Variants in RNF217 observed in about 807,000 individuals in gnomAD.
The protein encoded by RNF217 is ring finger protein 217, also known as E3 ubiquitin-protein ligase RNF217.
RNF217 carries 31 observed loss-of-function variants against 57.8 expected under a neutral mutation model. The ratio of observed to expected loss-of-function variants is 0.54; its 90% CI spans 0.40 to 0.72. RNF217 has a LOEUF of 0.72. RNF217 is among the 30% of genes least tolerant of loss of function. The pLI is 0.00. For missense variants in RNF217, 696 were observed against 708.3 expected (o/e 0.98, Z 0.20); for synonymous variants, 313 against 294.0 (o/e 1.06, Z -0.66).
rs1788619254 is a variant in RNF217, at chr6:125,082,715, A to C, written c.1556-149A>C. On this transcript the variant is annotated intron_variant, in intron 5 of 5. Coordinates refer to ENST00000521654, the MANE Select transcript of RNF217 (RefSeq NM_001286398.3). ...AGCTAAAGGGAAATATTAAAGAATG[A>C]AATATTGAAGAAGTAAATACATTTC... The C allele has an allele frequency of 1.8e-5, 22 of 1,253,954 alleles. 1 individual carries two copies. The South Asian group carries it at 2.9e-4, about 17-fold the overall frequency. 77.7% of individuals were successfully genotyped at this position (1,253,954 alleles called of 1,614,324 possible).
At chr6:124,989,215 G>T (rs555954341) in intron 1 of RNF217, among the ~76,000 whole-genome samples, 1 of 151,978 alleles carries the variant, frequency 6.6e-6, no homozygotes, top group South Asian at 2.1e-4. Flanking sequence ...TTTGATGAGC[G>T]CTTATGCTAG....
chr6:125,051,441 AC>A lies in RNF217; in HGVS notation c.1116+5999del, dbSNP rs550315381. Among the ~76,000 whole-genome samples the A allele has an allele frequency of 2.9e-3, 435 of 151,934 alleles. 9 individuals carry two copies. The highest frequency in any genetic ancestry group is 0.024 in the Admixed American group (371 of 15,212). On this transcript the variant is annotated intron_variant, in intron 2 of 5. Coordinates refer to ENST00000521654, the MANE Select transcript of RNF217 (RefSeq NM_001286398.3). ...AGTGAAGACCTTACATTTCTTATCT[AC>A]CACCCTCTGTGCTACTACCTTTCCA...
intron 1 of RNF217, among the ~76,000 whole-genome samples, chr6:124,966,622 A>C (rs1364159052): frequency 6.6e-6 from 1 of 152,248 alleles, no homozygotes; most frequent in Non-Finnish European, 1.5e-5. Context: ...AAAATAAAAG[A>C]GTCCCTATTA....
chr6:125,019,831 A>AGG (rs375622929), intron 1 of RNF217, among the ~76,000 whole-genome samples: 2,399 of 140,228 alleles, frequency 0.017, 82 homozygotes, highest in African/African-American at 0.059. Flanking sequence ...CCTTTTTTGC[A>AGG]GTGGGGGGGG....
intron 1 of RNF217, among the ~76,000 whole-genome samples, chr6:125,043,492 C>A (rs77643155): frequency 0.011 from 1,627 of 152,084 alleles, 9 homozygotes; most frequent in Non-Finnish European, 0.017. Flanking sequence ...AGCTTCAGTA[C>A]CTAGCCCGTA....
intron 1 of RNF217, among the ~76,000 whole-genome samples, chr6:124,982,074 T>C (rs1784194617): frequency 6.7e-6 from 1 of 150,182 alleles, no homozygotes; most frequent in Non-Finnish European, 1.5e-5. Flanking sequence ...AGGAATTTCC[T>C]TGTGGGCAAA....
At chr6:125,069,159 A>G (rs928371551) in intron 3 of RNF217, among the ~76,000 whole-genome samples, 1 of 152,204 alleles carries the variant, frequency 6.6e-6, no homozygotes, top group Non-Finnish European at 1.5e-5. Context: ...AACTTGAAAC[A>G]TGAAATTTTC....
intron 1 of RNF217, among the ~76,000 whole-genome samples, chr6:125,015,364 T>C (rs973926102): frequency 1.3e-5 from 2 of 152,170 alleles, no homozygotes; most frequent in Non-Finnish European, 2.9e-5. Flanking sequence ...GCACATTTTA[T>C]AAGTTTTTCT....
chr6:125,082,391 G>A (rs1788606502), intron 5 of RNF217: 2 of 1,470,500 alleles, frequency 1.4e-6, no homozygotes, highest in South Asian at 1.3e-5. Flanking sequence ...TGACATTTAA[G>A]TTCTTGCAAT....
chr6:125,071,534 G>GTATA (rs1337311583), intron 3 of RNF217, among the ~76,000 whole-genome samples: 4 of 138,776 alleles, frequency 2.9e-5, no homozygotes, highest in African/African-American at 1.1e-4. Flanking sequence ...GTGTGTGTGT[G>GTATA]TGTATATCTT....
At position 125,082,947 on chromosome 6, in the gene RNF217, G is replaced by A. The variant is rs766788131; in HGVS notation, c.*10G>A. On this transcript the variant is annotated 3_prime_UTR_variant, in exon 6 of 6. Coordinates refer to ENST00000521654, the MANE Select transcript of RNF217 (RefSeq NM_001286398.3). ...AGGTATGCACTGGTAACATGCAGATGATTTCATCCAGCTAAGCTGGTTGGA... is the reference window on the plus strand; with the variant it reads ...AGGTATGCACTGGTAACATGCAGATAATTTCATCCAGCTAAGCTGGTTGGA... The A allele has an allele frequency of 6.3e-6, 10 of 1,583,670 alleles. No homozygotes were observed. The African/African-American group carries it at 1.4e-4, about 22-fold the overall frequency.
chr6:125,007,704 C>T (rs73770791), intron 1 of RNF217, among the ~76,000 whole-genome samples: 12,071 of 152,144 alleles, frequency 0.079, 1,658 homozygotes, highest in African/African-American at 0.28. Context: ...TATAGTCATC[C>T]TTACTGGGGG....
chr6:125,017,951 C>G (rs1299655236), intron 1 of RNF217, among the ~76,000 whole-genome samples: 2 of 152,144 alleles, frequency 1.3e-5, no homozygotes, highest in African/African-American at 4.8e-5. Context: ...ATCACATTTT[C>G]TGATGCGTTT....
At position 125,082,864 on chromosome 6, in the gene RNF217, G is replaced by T. The variant is rs758847605; in HGVS notation, c.1556G>T (p.Gly519Val). The T allele has an allele frequency of 2.7e-5, 43 of 1,598,504 alleles. No homozygotes were observed. In the South Asian group the frequency reaches 4.6e-4, roughly 17 times the overall value. ...LALGAIAVVI[G>V]LFVFPIYCLC... ...AACTTTAATTTTTTCTTATCCCTAGGTTTATTTGTATTTCCTATCTATTGC... is the reference window on the plus strand; with the variant it reads ...AACTTTAATTTTTTCTTATCCCTAGTTTTATTTGTATTTCCTATCTATTGC... The change falls in exon 6 of 6, where the codon GGT becomes GTT. Residue 519 changes from glycine (G) to valine (V), a missense_variant and splice_region_variant. This residue lies in a region of RNF217 where 231 missense variants were observed against 321.4 expected (regional missense o/e 0.72). Coordinates refer to ENST00000521654, the MANE Select transcript of RNF217 (RefSeq NM_001286398.3).
At position 125,091,423 on chromosome 6, in the gene RNF217, C is replaced by T. The variant is rs1788948370; in HGVS notation, c.*8486C>T. ...TCTATTTAAAGTGCTAAGGAGAAAG[C>T]ATATCTTTAGGGATGTATATAGGCT... is the stretch of plus-strand genomic sequence containing the variant. On this transcript the variant is annotated 3_prime_UTR_variant, in exon 6 of 6. Coordinates refer to ENST00000521654, the MANE Select transcript of RNF217 (RefSeq NM_001286398.3). 2 of 151,986 alleles carry T rather than the reference C, an allele frequency of 1.3e-5. No homozygotes were observed. Among genetic ancestry groups the T allele is most frequent in the African/African-American group, 4.8e-5 (2 of 41,420 alleles). The allele number at this position is 151,986 out of a possible 1,614,324, so 9.4% of individuals were successfully genotyped here.
chr6:125,064,159 T>C (rs1787852460), intron 3 of RNF217, among the ~76,000 whole-genome samples: 1 of 152,118 alleles, frequency 6.6e-6, no homozygotes, highest in Admixed American at 6.6e-5. Context: ...CTGACTACTT[T>C]CAAATAATGC....
At chr6:125,049,555 C>T (rs1048815233) in intron 2 of RNF217, among the ~76,000 whole-genome samples, 28 of 152,026 alleles carry the variant, frequency 1.8e-4, no homozygotes, top group Non-Finnish European at 3.7e-4. Flanking sequence ...CACACTAGCT[C>T]TGTCACCTTG....
At chr6:124,973,368 C>A (rs987227158) in intron 1 of RNF217, among the ~76,000 whole-genome samples, 1 of 152,142 alleles carries the variant, frequency 6.6e-6, no homozygotes, top group African/African-American at 2.4e-5. Flanking sequence ...TTCTTAGAGT[C>A]CTTTTCACTC....
intron 1 of RNF217, among the ~76,000 whole-genome samples, chr6:124,988,871 T>C (rs2325765): frequency 0.22 from 33,994 of 152,000 alleles, 4,482 homozygotes; most frequent in East Asian, 0.4. Flanking sequence ...TTAAGCCGTA[T>C]CTGTATGTCA....
Sources: gnomAD v4.1 joint callset for allele counts (sites outside exome capture counted in the v4.1 genomes callset) on GRCh38, gnomAD v4.1.1 for gene constraint, gnomAD v4.1.1 regional missense constraint, MANE v1.5 for transcripts, NCBI Gene and HGNC (gene_info 2026-07-23, HGNC 2026-07-21) for gene names.